The following MBNL2 variants were observed in gnomAD, a reference collection of about 807,000 sequenced individuals.
MBNL2 encodes the protein muscleblind-like protein 2.
In MBNL2, 17 loss-of-function variants were observed where a neutral mutation model predicts 41.9. The ratio of observed to expected loss-of-function variants is 0.41; its 90% confidence interval spans 0.28 to 0.61. MBNL2 has a LOEUF of 0.61. MBNL2 is among the 20% of genes least tolerant of loss of function. MBNL2 has a pLI of 0.35. For missense variants in MBNL2, 336 were observed against 505.6 expected (o/e 0.66, Z 3.22); for synonymous variants, 195 against 182.9 (o/e 1.07, Z -0.53).
At chr13:97,261,507 T>A (rs1257104478) in intron 1 of MBNL2, among the ~76,000 whole-genome samples, 1 of 152,146 alleles carries the variant, frequency 6.6e-6, no homozygotes, top group African/African-American at 2.4e-5. Flanking sequence ...GGCAGCACCC[T>A]TTTTCTGCCT....
At chr13:97,304,434 G>A (rs2057931420) in intron 2 of MBNL2, among the ~76,000 whole-genome samples, 2 of 152,070 alleles carry the variant, frequency 1.3e-5, no homozygotes, top group South Asian at 4.1e-4. Flanking sequence ...TCATTTATTT[G>A]CTTTTTTATT....
At chr13:97,204,461 C>T in the MBNL2 span, among the ~76,000 whole-genome samples, 4 of 152,198 alleles carry the variant, frequency 2.6e-5, no homozygotes, top group Admixed American at 1.3e-4. Flanking sequence ...TCTAAGTACA[C>T]ATAAGCTCTT....
chr13:97,193,642 T>A, the MBNL2 span, among the ~76,000 whole-genome samples: 1 of 152,180 alleles, frequency 6.6e-6, no homozygotes, highest in African/African-American at 2.4e-5. Flanking sequence ...AAAGTGACTC[T>A]GGCTACTAGG....
intron 2 of MBNL2, among the ~76,000 whole-genome samples, chr13:97,284,107 A>C (rs1288015758): frequency 6.6e-6 from 1 of 152,226 alleles, no homozygotes; most frequent in Non-Finnish European, 1.5e-5. Context: ...GGGCTGTCAC[A>C]ACAAAGTACC....
intron 8 of MBNL2, among the ~76,000 whole-genome samples, chr13:97,370,837 T>C (rs935197494): frequency 6.6e-6 from 1 of 152,184 alleles, no homozygotes; most frequent in Admixed American, 6.5e-5. Context: ...TCTTTTGTCA[T>C]AGACTTTGTT....
At chr13:97,359,227 C>G (rs2063211603) in intron 7 of MBNL2, among the ~76,000 whole-genome samples, 1 of 150,652 alleles carries the variant, frequency 6.6e-6, no homozygotes, top group Non-Finnish European at 1.5e-5. Context: ...GTGGTTTCTA[C>G]AAAGTGTGTC....
chr13:97,180,872 T>G, the MBNL2 span, among the ~76,000 whole-genome samples: 12 of 152,038 alleles, frequency 7.9e-5, no homozygotes, highest in Non-Finnish European at 1.3e-4. Context: ...TTCACAGTTC[T>G]AAAGGTTAGA....
chr13:97,260,265 A>G (rs2048350877), intron 1 of MBNL2, among the ~76,000 whole-genome samples: 1 of 152,200 alleles, frequency 6.6e-6, no homozygotes, highest in African/African-American at 2.4e-5. Flanking sequence ...CTGAAGGAGC[A>G]GTCAAAGGCC....
At chr13:97,234,853 G>A (rs1368382552) in intron 1 of MBNL2, among the ~76,000 whole-genome samples, 1 of 152,230 alleles carries the variant, frequency 6.6e-6, no homozygotes, top group Non-Finnish European at 1.5e-5. Flanking sequence ...GTAGCGCTCA[G>A]TCCTCCCGAG....
At chr13:97,305,443 T>C (rs2058036500) in intron 2 of MBNL2, among the ~76,000 whole-genome samples, 1 of 152,170 alleles carries the variant, frequency 6.6e-6, no homozygotes, top group Non-Finnish European at 1.5e-5. Flanking sequence ...TTAGATTAAC[T>C]GTTTAAAAGC....
the MBNL2 span, among the ~76,000 whole-genome samples, chr13:97,158,453 G>C: frequency 6.6e-6 from 1 of 152,040 alleles, no homozygotes; most frequent in Non-Finnish European, 1.5e-5. Flanking sequence ...GAATGTGTTT[G>C]CTCTTGCTTT....
intron 8 of MBNL2, among the ~76,000 whole-genome samples, chr13:97,368,700 T>TTGTGTG (rs140107508): frequency 0.092 from 13,655 of 148,196 alleles, 702 homozygotes; most frequent in East Asian, 0.17. Flanking sequence ...ATATTCAAGT[T>TTGTGTG]TGTGTGTGTG....
chr13:97,188,343 T>C, the MBNL2 span, among the ~76,000 whole-genome samples: 1 of 152,308 alleles, frequency 6.6e-6, no homozygotes, highest in South Asian at 2.1e-4. Flanking sequence ...AGTACACTCA[T>C]GCACAAATAT....
intron 2 of MBNL2, among the ~76,000 whole-genome samples, chr13:97,305,181 G>T (rs2058016787): frequency 6.6e-6 from 1 of 152,130 alleles, no homozygotes; most frequent in South Asian, 2.1e-4. Context: ...AGGAGTTCTG[G>T]TTAAATTCTT....
At chr13:97,256,959 A>C (rs976757860) in intron 1 of MBNL2, among the ~76,000 whole-genome samples, 35 of 152,222 alleles carry the variant, frequency 2.3e-4, no homozygotes. Flanking sequence ...TAATCATAAA[A>C]ATTGTTTTGC....
At chr13:97,287,843 CA>C (rs1203550817) in intron 2 of MBNL2, among the ~76,000 whole-genome samples, 1 of 149,026 alleles carries the variant, frequency 6.7e-6, no homozygotes, top group East Asian at 2.0e-4. Flanking sequence ...CTCCTGCGTT[CA>C]AGCGATTCTC....
At chr13:97,296,308 T>C (rs1276057110) in intron 2 of MBNL2, among the ~76,000 whole-genome samples, 1 of 152,248 alleles carries the variant, frequency 6.6e-6, no homozygotes. Context: ...GCATTTTTAA[T>C]GAAAATGATG....
At chr13:97,234,118 C>A (rs933814492) in intron 1 of MBNL2, among the ~76,000 whole-genome samples, 6 of 152,144 alleles carry the variant, frequency 3.9e-5, no homozygotes, top group African/African-American at 1.2e-4. Flanking sequence ...ATTGACCGGA[C>A]AATCATGACC....
At chr13:97,142,362 C>T in the MBNL2 span, among the ~76,000 whole-genome samples, 2 of 152,220 alleles carry the variant, frequency 1.3e-5, no homozygotes, top group African/African-American at 4.8e-5. Context: ...AGATTCACCT[C>T]TGATTTCTCA....
Sources: gnomAD v4.1 joint callset for allele counts (sites outside exome capture counted in the v4.1 genomes callset) on GRCh38, gnomAD v4.1.1 for gene constraint, MANE v1.5 for transcripts, NCBI Gene and HGNC (gene_info 2026-07-23, HGNC 2026-07-21) for gene names.